Variants in SHISA9 observed in about 807,000 individuals in gnomAD.
SHISA9 encodes the protein protein shisa-9.
Under a neutral mutation model 38.0 loss-of-function variants are expected in SHISA9, and 13 were observed. That is an observed-to-expected ratio of 0.34 (90% CI 0.22 to 0.54). SHISA9 has a LOEUF of 0.54. SHISA9 is among the 20% of genes least tolerant of loss of function. SHISA9 has a pLI of 0.91. For missense variants in SHISA9, 538 were observed against 575.8 expected (o/e 0.93, Z 0.67); for synonymous variants, 275 against 242.0 (o/e 1.14, Z -1.27).
the SHISA9 span, among the ~76,000 whole-genome samples, chr16:13,395,470 C>T: frequency 6.6e-5 from 10 of 152,166 alleles, no homozygotes; most frequent in African/African-American, 1.4e-4. Flanking sequence ...CTGCAAAGTC[C>T]GACATTAAGG....
At chr16:13,013,374 T>G (rs769961388) in intron 2 of SHISA9, among the ~76,000 whole-genome samples, 1 of 152,164 alleles carries the variant, frequency 6.6e-6, no homozygotes, top group Non-Finnish European at 1.5e-5. Flanking sequence ...GAGGTGTTTG[T>G]CTGTGATATT....
rs368674540 is a variant in SHISA9, at chr16:13,193,417, T to C, written c.692-9977T>C. Among the ~76,000 whole-genome samples the C allele has an allele frequency of 4.1e-4, 63 of 152,328 alleles. 2 individuals are homozygous for C. Among genetic ancestry groups the C allele is most frequent in the African/African-American group, 1.4e-3 (58 of 41,572 alleles). On this transcript the variant is annotated intron_variant, in intron 2 of 4. Transcript: ENST00000558583. ...CTCAGGCTGGAGCACAGTGGCATAA[T>C]CTCAGCTCACTGTGACCTCTGCCTC...
At chr16:13,011,826 CT>C (rs201345998) in intron 2 of SHISA9, among the ~76,000 whole-genome samples, 30 of 146,968 alleles carry the variant, frequency 2.0e-4, no homozygotes, top group South Asian at 1.1e-3. Flanking sequence ...TGGCCTTTGA[CT>C]TTTTTTTTTT....
At chr16:13,322,385 C>T in the SHISA9 span, among the ~76,000 whole-genome samples, 2 of 152,230 alleles carry the variant, frequency 1.3e-5, no homozygotes, top group Non-Finnish European at 2.9e-5. Context: ...TCATCCTTTC[C>T]TCTCTTCTCA....
At chr16:12,902,871 T>TGTGA (rs1263831463) in intron 1 of SHISA9, 43 of 476,942 alleles carry the variant, frequency 9.0e-5, no homozygotes, top group Middle Eastern at 1.1e-3. Context: ...TGTGTGTGAC[T>TGTGA]CTGCTCCCTC....
Position 12,970,327 on chromosome 16 carries a change from A to ATATATATATATATACATATATGTG in SHISA9, c.691+53526_691+53527insCATATATGTGTATATATATATATA, listed in dbSNP as rs2072039022. ...TATCTCTCACTAGGGGTATATATAC[A>ATATATATATATATACATATATGTG]TATATATATATATATACATATATGT... On this transcript the variant is annotated intron_variant, in intron 2 of 4. Coordinates refer to ENST00000558583, the MANE Select transcript of SHISA9 (RefSeq NM_001145204.3). Among the ~76,000 whole-genome samples the ATATATATATATATACATATATGTG allele has an allele frequency of 9.2e-5, 4 of 43,580 alleles. 1 individual carries two copies. Among genetic ancestry groups the ATATATATATATATACATATATGTG allele is most frequent in the Non-Finnish European group, 1.6e-4 (4 of 24,266 alleles). 28.6% of individuals were successfully genotyped at this position (43,580 alleles called of 152,430 possible).
At chr16:13,363,059 G>T in the SHISA9 span, among the ~76,000 whole-genome samples, 1 of 152,192 alleles carries the variant, frequency 6.6e-6, no homozygotes, top group South Asian at 2.1e-4. Flanking sequence ...ACTAGAAAAT[G>T]CTCGACCATG....
At chr16:13,095,704 G>A (rs2073818184) in intron 2 of SHISA9, among the ~76,000 whole-genome samples, 1 of 152,222 alleles carries the variant, frequency 6.6e-6, no homozygotes, top group Non-Finnish European at 1.5e-5. Flanking sequence ...AGGGGCTGTT[G>A]ACAATCTTTT....
the SHISA9 span, among the ~76,000 whole-genome samples, chr16:13,274,700 C>T: frequency 6.6e-6 from 1 of 152,066 alleles, no homozygotes; most frequent in Non-Finnish European, 1.5e-5. Context: ...CATGACATGC[C>T]AACTCTGGGT....
At chr16:13,328,706 C>T in the SHISA9 span, among the ~76,000 whole-genome samples, 1 of 152,016 alleles carries the variant, frequency 6.6e-6, no homozygotes. Context: ...CCCCTGACCT[C>T]GGGCGATCCA....
the SHISA9 span, among the ~76,000 whole-genome samples, chr16:13,547,271 T>C: frequency 6.6e-6 from 1 of 152,242 alleles, no homozygotes; most frequent in Non-Finnish European, 1.5e-5. Flanking sequence ...AAGATAAAGA[T>C]GTAAGCACAT....
At chr16:13,004,431 G>T (rs549415889) in intron 2 of SHISA9, among the ~76,000 whole-genome samples, 1 of 152,300 alleles carries the variant, frequency 6.6e-6, no homozygotes, top group South Asian at 2.1e-4. Flanking sequence ...CTCTCTTTTT[G>T]AGCAAGGGTA....
chr16:13,294,242 T>G, the SHISA9 span, among the ~76,000 whole-genome samples: 1 of 152,194 alleles, frequency 6.6e-6, no homozygotes, highest in African/African-American at 2.4e-5. Flanking sequence ...CATCTATTAT[T>G]ATATATCACA....
chr16:13,227,411 A>G (rs1472921123), intron 4 of SHISA9, among the ~76,000 whole-genome samples: 1 of 152,172 alleles, frequency 6.6e-6, no homozygotes, highest in East Asian at 1.9e-4. Flanking sequence ...GCTGCAAGAG[A>G]AGAGGAGAAT....
the SHISA9 span, among the ~76,000 whole-genome samples, chr16:13,357,345 A>G: frequency 1.3e-5 from 2 of 152,212 alleles, no homozygotes; most frequent in African/African-American, 4.8e-5. Context: ...GAGAGATTGA[A>G]GTGTGGCGCT....
chr16:13,348,380 G>A, the SHISA9 span, among the ~76,000 whole-genome samples: 5 of 152,002 alleles, frequency 3.3e-5, no homozygotes, highest in East Asian at 7.8e-4. Context: ...TGATTACAGA[G>A]GCTCAACCTA....
intron 2 of SHISA9, among the ~76,000 whole-genome samples, chr16:12,966,477 A>G (rs1441807739): frequency 6.6e-6 from 1 of 151,918 alleles, no homozygotes; most frequent in Non-Finnish European, 1.5e-5. Context: ...CTGGTCTCGA[A>G]CTCCTGGGAT....
At chr16:12,908,852 G>A in intron 1 of SHISA9, 1 of 1,162,412 alleles carries the variant, frequency 8.6e-7, no homozygotes, top group Non-Finnish European at 1.1e-6. Flanking sequence ...AAGCCAGTAG[G>A]GAACACATGT....
At chr16:13,550,029 A>AT in the SHISA9 span, among the ~76,000 whole-genome samples, 2 of 151,698 alleles carry the variant, frequency 1.3e-5, no homozygotes, top group African/African-American at 4.8e-5. Flanking sequence ...TCTCAAAAAA[A>AT]AAAAAAATAA....
Sources: gnomAD v4.1 joint callset for allele counts (sites outside exome capture counted in the v4.1 genomes callset) on GRCh38, gnomAD v4.1.1 for gene constraint, MANE v1.5 for transcripts, NCBI Gene and HGNC (gene_info 2026-07-23, HGNC 2026-07-21) for gene names.